The following ZNF786 variants were observed in gnomAD, a reference collection of about 807,000 sequenced individuals.
ZNF786 encodes zinc finger protein 786.
Under a neutral mutation model 63.1 loss-of-function variants are expected in ZNF786, and 56 were observed. That is an observed-to-expected ratio of 0.89 (90% CI 0.72 to 1.11). ZNF786 has a LOEUF of 1.11. Among genes scored for constraint, ZNF786 ranks in the 50% least tolerant of loss-of-function variants. The pLI is 0.00. For missense variants in ZNF786, 1,213 were observed against 1,041.8 expected (o/e 1.16, Z -2.26); for synonymous variants, 485 against 406.9 (o/e 1.19, Z -2.31).
intron 2 of ZNF786, 44 bp from the exon 3 acceptor site, chr7:149,074,582 A>G (rs1179596524): frequency 1.3e-6 from 2 of 1,587,220 alleles, no homozygotes; most frequent in Non-Finnish European, 1.7e-6. Flanking sequence ...TCCTGAATTT[A>G]AAGCACACTA....
chr7:149,071,399 C>T lies in ZNF786; in HGVS notation c.1373G>A (p.Cys458Tyr), dbSNP rs770335899. 10 of 1,613,474 alleles carry T rather than the reference C, an allele frequency of 6.2e-6. No homozygotes were observed. In the South Asian group the frequency reaches 8.8e-5, roughly 14 times the overall value. ...SGEKPFRCAK[C>Y]GRNFRQRGQL... is the part of the protein sequence containing the mutation. ...TCCCCTCTGACGGAAGTTCCTGCCACACTTGGCACACCGGAAAGGCTTCTC... is the reference window on the plus strand; with the variant it reads ...TCCCCTCTGACGGAAGTTCCTGCCATACTTGGCACACCGGAAAGGCTTCTC... Residue 458 changes from cysteine (C) to tyrosine (Y), a missense_variant, in exon 4 of 4, where the codon TGT becomes TAT. Transcript: ENST00000491431.
Position 149,083,362 on chromosome 7 carries a change from G to A in ZNF786, c.19-2645C>T, listed in dbSNP as rs563734304. ...CTCCCAAGTAGCTGGGATTATAGGC[G>A]CCGGCCACCACCCCTAGCTAATTTT... On this transcript the variant is annotated intron_variant, in intron 1 of 3. Transcript: ENST00000491431. 1.8e-3 allele frequency among the ~76,000 whole-genome samples: 271 copies of A among 151,880 alleles called. 1 individual carries two copies. The highest frequency in any genetic ancestry group is 4.2e-3 in the Admixed American group (64 of 15,232).
Position 149,071,501 on chromosome 7 carries a change from G to C in ZNF786, c.1271C>G (p.Pro424Arg). 1 of 1,613,302 alleles carries C rather than the reference G, an allele frequency of 6.2e-7. No homozygotes were observed. Among genetic ancestry groups the C allele is most frequent in the Non-Finnish European group, 8.5e-7 (1 of 1,179,870 alleles). The change falls in exon 4 of 4, where the codon CCG becomes CGG. Residue 424 changes from proline (P) to arginine (R), a missense_variant. By Grantham distance (103) the Pro-to-Arg change is moderately radical (BLOSUM62 -2). Coordinates refer to ENST00000491431, the MANE Select transcript of ZNF786 (RefSeq NM_152411.4). ...CTTGCCACACTTCCTGCAGGAGAAC[G>C]GTCTCTCCCCACCGTGCGCGTGCTG... ...VHQHAHGGER[P>R]FSCRKCGKGF...
In ZNF786 at chr7:149,072,304, G is replaced by A; in HGVS notation, c.468C>T (p.Pro156=). 6.2e-7 allele frequency: 1 copy of A among 1,613,772 alleles called. No homozygotes were observed. The change falls in exon 4 of 4, where the codon CCC becomes CCT. Residue 156 remains proline (P), a synonymous_variant. Transcript: ENST00000491431. ...ARAPPPLACG[P]SESTLKEGIP... is the part of the protein sequence containing the mutation. Reference sequence around the variant, plus strand: ...TTCCTTCTTTTAGGGTAGATTCACTGGGGCCGCAGGCTAGTGGTGGAGGAG... The same window carrying A: ...TTCCTTCTTTTAGGGTAGATTCACTAGGGCCGCAGGCTAGTGGTGGAGGAG...
At chr7:149,088,007 T>C (rs1825764912) in intron 1 of ZNF786, among the ~76,000 whole-genome samples, 1 of 149,920 alleles carries the variant, frequency 6.7e-6, no homozygotes, top group African/African-American at 2.5e-5. Flanking sequence ...TTTTTTTTTT[T>C]TTGTCTTTCT....
intron 1 of ZNF786, 55 bp from the exon 2 acceptor site, chr7:149,080,772 G>C: frequency 6.5e-7 from 1 of 1,536,016 alleles, no homozygotes; most frequent in Non-Finnish European, 8.7e-7. Context: ...AATGACTCCA[G>C]CTCCTTCTCC....
Position 149,071,480 on chromosome 7 carries a change from C to A in ZNF786, c.1292G>T (p.Gly431Val). 6.2e-7 allele frequency: 1 copy of A among 1,613,298 alleles called. No individual in the cohort carries two copies. Among genetic ancestry groups the A allele is most frequent in the Non-Finnish European group, 8.5e-7 (1 of 1,179,842 alleles). The part of the protein sequence containing the change: ...GERPFSCRKC[G>V]KGFAKQCKLT... ...TTTACACTGCTTGGCGAAGCCCTTG[C>A]CACACTTCCTGCAGGAGAACGGTCT... The change falls in exon 4 of 4, where the codon GGC (glycine) becomes GTC (valine). Residue 431 changes from glycine (G) to valine (V), a missense_variant. Physicochemically the swap from Gly to Val is moderately radical, Grantham distance 109. Transcript: ENST00000491431.
rs958667951 is a variant in ZNF786 at position 149,074,344 on chromosome 7, C to T, written c.298+42G>A. ...ATCAGAGAAGAGAAACAAATCTGAA[C>T]ATGATGTCTCAAGGTCGGGGCCCTG... On this transcript the variant is annotated intron_variant, in intron 3 of 3. Transcript: ENST00000491431. 7 of 1,604,880 alleles carry T rather than the reference C, an allele frequency of 4.4e-6. No individual in the cohort carries two copies. In the African/African-American group the frequency reaches 9.4e-5, roughly 22 times the overall value.
intron 1 of ZNF786, among the ~76,000 whole-genome samples, chr7:149,088,761 A>G (rs867806028): frequency 6.6e-5 from 10 of 152,182 alleles, no homozygotes; most frequent in South Asian, 4.1e-4. Flanking sequence ...CCTCTCTTCA[A>G]TCATGTTCTG....
intron 2 of ZNF786, among the ~76,000 whole-genome samples, chr7:149,079,472 A>AT (rs1825616686): frequency 6.6e-6 from 1 of 151,696 alleles, no homozygotes; most frequent in South Asian, 2.1e-4. Flanking sequence ...GAACAGACTG[A>AT]TTTTTTAAAA....
In ZNF786 at chr7:149,075,659, T is replaced by TTTTG. The variant is rs1554452599; in HGVS notation, c.146-1122_146-1121insCAAA. Among the ~76,000 whole-genome samples the TTTTG allele has an allele frequency of 1.6e-3, 173 of 108,772 alleles. 5 individuals carry two copies. The highest frequency in any genetic ancestry group is 3.0e-3 in the Non-Finnish European group (157 of 52,802). The allele number at this position is 108,772 out of a possible 152,430, so 71.4% of individuals were successfully genotyped here. On this transcript the variant is annotated intron_variant, in intron 2 of 3. Coordinates refer to ENST00000491431, the MANE Select transcript of ZNF786 (RefSeq NM_152411.4). ...TACTGTGCTGACACACTTCAGGTTT[T>TTTTG]TTTTTTTTTTTTTTTTTTTTTTTTG...
Position 149,090,678 on chromosome 7 carries a change from C to A in ZNF786, c.-38G>T, listed in dbSNP as rs771011141. On this transcript the variant is annotated 5_prime_UTR_variant, in exon 1 of 4. Coordinates refer to ENST00000491431, the MANE Select transcript of ZNF786 (RefSeq NM_152411.4). ...CCCGCCCGGCCCTGGCAAACCCGACCGTCTCCGGCGGCTCCGCAGGAACCT... is the reference window on the plus strand; with the variant it reads ...CCCGCCCGGCCCTGGCAAACCCGACAGTCTCCGGCGGCTCCGCAGGAACCT... 63 of 1,569,140 alleles carry A rather than the reference C, an allele frequency of 4.0e-5. No individual in the cohort carries two copies. Among genetic ancestry groups the A allele is most frequent in the Middle Eastern group, 1.7e-4 (1 of 5,916 alleles).
chr7:149,089,030 C>T (rs568735709), intron 1 of ZNF786, among the ~76,000 whole-genome samples: 21 of 150,040 alleles, frequency 1.4e-4, no homozygotes, highest in African/African-American at 4.4e-4. Context: ...GATCTCGGCT[C>T]GCTGCAAGCT....
chr7:149,072,723 G>T (rs1327400101), intron 3 of ZNF786, among the ~76,000 whole-genome samples: 1 of 152,186 alleles, frequency 6.6e-6, no homozygotes, highest in Non-Finnish European at 1.5e-5. Flanking sequence ...TAGAGTGTAA[G>T]CTCTGGAATC....
At chr7:149,080,862 T>C in intron 1 of ZNF786, 145 bp from the exon 2 acceptor site, 1 of 894,156 alleles carries the variant, frequency 1.1e-6, no homozygotes, top group South Asian at 1.7e-5. Flanking sequence ...TACTCCTTCC[T>C]CTACTCCAAT....
chr7:149,072,044 C>T lies in ZNF786; in HGVS notation c.728G>A (p.Gly243Asp), dbSNP rs987935158. The T allele has an allele frequency of 1.2e-6, 2 of 1,613,056 alleles. No homozygotes were observed. Among genetic ancestry groups the T allele is most frequent in the African/African-American group, 2.7e-5 (2 of 74,938 alleles). Residue 243 changes from glycine (G) to aspartate (D), a missense_variant, in exon 4 of 4, where the codon GGC (glycine) becomes GAC (aspartate). Transcript: ENST00000491431. ...CCGGCGGAAGCTCTTACCGCACACG[C>T]CACACCGGAAGTGCCTCTGTACCCG... The part of the protein sequence containing the change: ...SPRVQRHFRC[G>D]VCGKSFRRKL...
Position 149,080,636 on chromosome 7 carries a change from A to C in ZNF786, c.100T>G (p.Tyr34Asp). The C allele has an allele frequency of 6.2e-7, 1 of 1,612,986 alleles. No homozygotes were observed. The highest frequency in any genetic ancestry group is 2.2e-5 in the East Asian group (1 of 44,870). ...TAATTGCTTCTCATCACATGCTTGT[A>C]AAGTTCCTTCTGCCATGCCTCTAGA... is the stretch of plus-strand genomic sequence containing the variant. ...QDLEAWQKEL[Y>D]KHVMRSNYET... Residue 34 changes from tyrosine (Y) to aspartate (D), a missense_variant, in exon 2 of 4, where the codon TAC (tyrosine) becomes GAC (aspartate). Tyr to Asp is a radical substitution (Grantham distance 160). Transcript: ENST00000491431.
At chr7:149,077,153 TG>T (rs1237703607) in intron 2 of ZNF786, among the ~76,000 whole-genome samples, 1 of 152,262 alleles carries the variant, frequency 6.6e-6, no homozygotes, top group East Asian at 1.9e-4. Flanking sequence ...CGTTCCATCT[TG>T]TTCCATAAGA....
In ZNF786 at chr7:149,087,495, C is replaced by T. The variant is rs959076958; in HGVS notation, c.18+3128G>A. On this transcript the variant is annotated intron_variant, in intron 1 of 3. Transcript: ENST00000491431. ...GAATAGTGATAAACATCCTACGATG[C>T]GCAGGACAGCCTGCAAAACAGAAAA... 5.9e-5 allele frequency among the ~76,000 whole-genome samples: 9 copies of T among 152,134 alleles called. 1 individual carries two copies. The South Asian group carries it at 1.2e-3, about 21-fold the overall frequency.
Sources: allele counts gnomAD v4.1 joint callset (sites outside exome capture counted in the v4.1 genomes callset), GRCh38; gene constraint gnomAD v4.1.1; transcripts MANE v1.5; gene names NCBI Gene and HGNC (gene_info 2026-07-23, HGNC 2026-07-21).